HPRT1: variants seen among roughly 807,000 people sequenced by gnomAD.
The protein encoded by HPRT1 is hypoxanthine phosphoribosyltransferase 1.
A neutral mutation model predicts 19.0 loss-of-function variants in HPRT1; 4 were observed. The observed-to-expected ratio is 0.21, with a 90% CI of 0.10 to 0.48. The LOEUF (loss-of-function observed/expected upper bound fraction) is 0.48. HPRT1 is among the 20% of genes least tolerant of loss of function. HPRT1 has a pLI of 0.98. For synonymous variants in HPRT1, 53 were observed against 54.9 expected (o/e 0.97, Z 0.15); for missense variants, 65 against 164.0 (o/e 0.40, Z 3.30).
rs986915733 is a variant in HPRT1 at position 134,500,469 on chromosome X, C to T, written c.*392C>T. 3.2e-5 allele frequency: 4 copies of T among 124,919 alleles called. No individual in the cohort carries two copies. Among genetic ancestry groups the T allele is most frequent in the African/African-American group, 9.6e-5 (3 of 31,089 alleles). The allele number at this position is 124,919 out of a possible 1,213,427, so 10.3% of individuals were successfully genotyped here. The stretch of plus-strand genomic sequence containing the variant: ...AAGTGATTGAATATTGTTAATTATA[C>T]CACCGTGTGTTAGAAAAGTAAGAAG... On this transcript the variant is annotated 3_prime_UTR_variant, in exon 9 of 9. Transcript: ENST00000298556.
intron 3 of HPRT1, among the ~76,000 whole-genome samples, chrX:134,479,710 A>C: frequency 9.1e-6 from 1 of 109,920 alleles, no homozygotes; most frequent in Non-Finnish European, 1.9e-5. Context: ...GGCTCAAGCA[A>C]TCCTCCCACC....
Position 134,473,432 on chromosome X carries a change from G to T in HPRT1, c.101G>T (p.Arg34Met). 1.7e-6 allele frequency: 2 copies of T among 1,177,288 alleles called. No individual in the cohort carries two copies. Among genetic ancestry groups the T allele is most frequent in the Non-Finnish European group, 2.3e-6 (2 of 864,174 alleles). Residue 34 changes from arginine (R) to methionine (M), a missense_variant, in exon 2 of 9, where the codon AGG becomes ATG. By Grantham distance (91) the Arg-to-Met change is moderately conservative. Transcript: ENST00000298556. ...IPNHYAEDLE[R>M]VFIPHGLIMD... ...AATCATTATGCTGAGGATTTGGAAA[G>T]GGTGTTTATTCCTCATGGACTAATT...
intron 1 of HPRT1, among the ~76,000 whole-genome samples, chrX:134,467,041 CT>C (rs779817345): frequency 0.027 from 1,657 of 60,588 alleles, 4 homozygotes; most frequent in African/African-American, 0.045. Flanking sequence ...AGATTTTAAG[CT>C]TTTTTTTTTT....
chrX:134,468,114 C>CT lies in HPRT1; in HGVS notation c.28-5236dup, dbSNP rs760551755. 2.0e-3 allele frequency among the ~76,000 whole-genome samples: 222 copies of CT among 108,618 alleles called. 1 individual carries two copies. The highest frequency in any genetic ancestry group is 7.0e-3 in the African/African-American group (210 of 30,007). 94.3% of individuals were successfully genotyped at this position (108,618 alleles called of 115,157 possible). ...GGCATGAGCCACAGCGCCCAGCCGT[C>CT]TTTTTTTTTAAATAGCAATTTAACA... On this transcript the variant is annotated intron_variant, in intron 1 of 8. Transcript: ENST00000298556.
chrX:134,491,355 CT>C (rs2077665994), intron 5 of HPRT1, among the ~76,000 whole-genome samples: 1 of 111,051 alleles, frequency 9.0e-6, no homozygotes, highest in African/African-American at 3.3e-5. Context: ...CACTCATTTC[CT>C]TTTTATTGCC....
At chrX:134,498,133 G>A (rs974572628) in intron 6 of HPRT1, among the ~76,000 whole-genome samples, 2 of 111,569 alleles carry the variant, frequency 1.8e-5, no homozygotes, top group East Asian at 5.6e-4. Flanking sequence ...TAGTCAGGGT[G>A]CAGGTCTCAG....
intron 4 of HPRT1, 28 bp from the exon 5 acceptor site, chrX:134,490,160 C>G (rs2077662822): frequency 1.0e-6 from 1 of 978,384 alleles, no homozygotes. Flanking sequence ...ATTCATTGTA[C>G]TGATTTTCAT....
intron 5 of HPRT1, among the ~76,000 whole-genome samples, chrX:134,492,064 GT>G (rs1319754853): frequency 5.8e-4 from 48 of 83,384 alleles, no homozygotes; most frequent in Admixed American, 1.4e-3. Context: ...TATATATATA[GT>G]TTTTTTTTTT....
At chrX:134,498,529 GT>G in intron 7 of HPRT1, 78 bp from the exon 8 acceptor site, 1 of 981,013 alleles carries the variant, frequency 1.0e-6, no homozygotes, top group Non-Finnish European at 1.5e-6. Context: ...GAGAATATTT[GT>G]AGAGAGGCAC....
chrX:134,468,386 G>A (rs1396826120), intron 1 of HPRT1, among the ~76,000 whole-genome samples: 2 of 107,336 alleles, frequency 1.9e-5, no homozygotes, highest in Non-Finnish European at 1.9e-5. Flanking sequence ...AGGCTGAGGC[G>A]GGCGGATCAT....
At chrX:134,488,221 C>T (rs1403888692) in intron 4 of HPRT1, among the ~76,000 whole-genome samples, 1 of 110,620 alleles carries the variant, frequency 9.0e-6, no homozygotes, top group Non-Finnish European at 1.9e-5. Flanking sequence ...TCACTGCAAC[C>T]TCCCCTTCCC....
At chrX:134,488,952 G>T (rs1186197850) in intron 4 of HPRT1, among the ~76,000 whole-genome samples, 1 of 111,768 alleles carries the variant, frequency 8.9e-6, no homozygotes, top group Non-Finnish European at 1.9e-5. Flanking sequence ...CTACCAATAG[G>T]CTGCAGTTGT....
intron 3 of HPRT1, among the ~76,000 whole-genome samples, chrX:134,480,371 A>T (rs758391208): frequency 1.8e-5 from 2 of 111,005 alleles, no homozygotes; most frequent in South Asian, 7.6e-4. Flanking sequence ...AAGCAGACAG[A>T]ATTCATTTTG....
chrX:134,479,589 T>C (rs750799028), intron 3 of HPRT1, among the ~76,000 whole-genome samples: 2 of 110,910 alleles, frequency 1.8e-5, no homozygotes, highest in Non-Finnish European at 3.8e-5. Flanking sequence ...TTGTTGTTGT[T>C]GTTGTTGTTG....
chrX:134,473,976 C>T (rs1305038862), intron 2 of HPRT1, among the ~76,000 whole-genome samples: 1 of 112,180 alleles, frequency 8.9e-6, no homozygotes, highest in Admixed American at 9.5e-5. Context: ...AACAAGAAGA[C>T]TAAAGTTCTC....
chrX:134,461,666 A>G (rs1334911476), intron 1 of HPRT1, among the ~76,000 whole-genome samples: 2 of 112,118 alleles, frequency 1.8e-5, no homozygotes, highest in South Asian at 3.7e-4. Context: ...AATAGCCATC[A>G]TCATGTTTAC....
chrX:134,461,832 T>G (rs145175219), intron 1 of HPRT1, among the ~76,000 whole-genome samples: 1,570 of 111,589 alleles, frequency 0.014, 36 homozygotes, highest in African/African-American at 0.048. Flanking sequence ...CGAACCTAGC[T>G]CTCTCTCTCT....
chrX:134,464,588 G>GT (rs201820121), intron 1 of HPRT1, among the ~76,000 whole-genome samples: 251 of 110,553 alleles, frequency 2.3e-3, no homozygotes, highest in African/African-American at 8.0e-3. Flanking sequence ...ATTTTTGTTT[G>GT]TTTTTTTTGA....
At chrX:134,469,968 C>T (rs1043523661) in intron 1 of HPRT1, among the ~76,000 whole-genome samples, 4 of 112,265 alleles carry the variant, frequency 3.6e-5, no homozygotes, top group African/African-American at 1.3e-4. Flanking sequence ...TTGGAATGTT[C>T]ACATAGGTGA....
Sources: allele counts gnomAD v4.1 joint callset (sites outside exome capture counted in the v4.1 genomes callset), GRCh38; gene constraint gnomAD v4.1.1; transcripts MANE v1.5; gene names NCBI Gene and HGNC (gene_info 2026-07-23, HGNC 2026-07-21).